SPOCK1: variants seen among roughly 807,000 people sequenced by gnomAD.
SPOCK1 encodes the protein testican-1.
In SPOCK1, 23 loss-of-function variants were observed where a neutral mutation model predicts 55.3. The ratio of observed to expected loss-of-function variants is 0.42; its 90% CI spans 0.30 to 0.59. SPOCK1 has a LOEUF of 0.59. SPOCK1 is among the 20% of genes least tolerant of loss of function. The probability of loss-of-function intolerance (pLI) is 0.22; values close to 1 mark genes in which losing one functional copy is unlikely to be tolerated. For synonymous variants in SPOCK1, 226 were observed against 221.0 expected (o/e 1.02, Z -0.20); for missense variants, 499 against 552.5 (o/e 0.90, Z 0.97).
intron 2 of SPOCK1, among the ~76,000 whole-genome samples, chr5:137,474,829 G>A (rs908165548): frequency 3.9e-5 from 6 of 152,312 alleles, no homozygotes; most frequent in Middle Eastern, 3.4e-3. Flanking sequence ...GGAGAGAGAT[G>A]AAGCTCTTCT....
intron 9 of SPOCK1, among the ~76,000 whole-genome samples, chr5:136,983,151 C>T (rs1181154961): frequency 6.6e-6 from 1 of 152,176 alleles, no homozygotes; most frequent in Non-Finnish European, 1.5e-5. Context: ...CTGTAGCTTT[C>T]TATGCCCTAA....
chr5:137,314,343 A>T (rs1222196108), intron 2 of SPOCK1, among the ~76,000 whole-genome samples: 1 of 152,034 alleles, frequency 6.6e-6, no homozygotes, highest in Non-Finnish European at 1.5e-5. Flanking sequence ...AGCCTCACAA[A>T]CGCTACCATC....
chr5:137,410,867 G>T (rs1241126423), intron 2 of SPOCK1, among the ~76,000 whole-genome samples: 1 of 152,280 alleles, frequency 6.6e-6, no homozygotes, highest in African/African-American at 2.4e-5. Context: ...GAGGGAGGAG[G>T]GGATGCAAGC....
intron 2 of SPOCK1, among the ~76,000 whole-genome samples, chr5:137,443,135 G>A (rs1301545028): frequency 6.6e-6 from 1 of 152,066 alleles, no homozygotes; most frequent in Non-Finnish European, 1.5e-5. Flanking sequence ...CACTTTGGCT[G>A]GACAGCTAAA....
intron 2 of SPOCK1, among the ~76,000 whole-genome samples, chr5:137,404,573 T>TA (rs1752054797): frequency 1.0e-5 from 1 of 96,540 alleles, no homozygotes; most frequent in African/African-American, 3.6e-5. Context: ...CACACCCAGC[T>TA]AATTTTTTTT....
intron 5 of SPOCK1, among the ~76,000 whole-genome samples, chr5:137,069,824 T>C (rs1336404105): frequency 6.6e-6 from 1 of 152,228 alleles, no homozygotes; most frequent in Non-Finnish European, 1.5e-5. Flanking sequence ...AATATATTTT[T>C]ATGTGTCCAT....
At chr5:137,445,372 C>A (rs1753101706) in intron 2 of SPOCK1, among the ~76,000 whole-genome samples, 1 of 152,164 alleles carries the variant, frequency 6.6e-6, no homozygotes, top group Non-Finnish European at 1.5e-5. Flanking sequence ...TTTCCTTCAA[C>A]CCTATGAATG....
chr5:137,225,449 A>G (rs1010163614), intron 3 of SPOCK1, among the ~76,000 whole-genome samples: 3 of 152,230 alleles, frequency 2.0e-5, no homozygotes, highest in Non-Finnish European at 2.9e-5. Context: ...GGTACTAACG[A>G]GTATTAAAGA....
rs1387552301 is a variant in SPOCK1 at position 136,979,332 on chromosome 5, C to T, written c.1129G>A (p.Glu377Lys). 1 of 1,613,982 alleles carries T rather than the reference C, an allele frequency of 6.2e-7. No individual in the cohort carries two copies. Among genetic ancestry groups the T allele is most frequent in the Non-Finnish European group, 8.5e-7 (1 of 1,179,914 alleles). ...GGCTCATGCAGGAGGCCTTACTCAC[C>T]ACAGCTCACAGCACCCTGTTTCCTG... ...GSRKQGAVSC[E>K]EEQETSGDFG... The change falls in exon 10 of 11, where the codon GAA becomes AAA. Residue 377 changes from glutamate to lysine, a missense_variant and splice_region_variant. Glu to Lys is a moderately conservative substitution (Grantham distance 56). This residue lies in a region of SPOCK1 where 83 missense variants were observed against 87.5 expected (regional missense o/e 0.95). Coordinates refer to ENST00000394945, the MANE Select transcript of SPOCK1 (RefSeq NM_004598.4).
intron 3 of SPOCK1, among the ~76,000 whole-genome samples, chr5:137,261,808 C>A (rs1756746490): frequency 6.6e-6 from 1 of 152,328 alleles, no homozygotes. Flanking sequence ...CTAAATCTCT[C>A]CAGCCATTAG....
chr5:137,060,836 A>C (rs1017758102), intron 6 of SPOCK1, among the ~76,000 whole-genome samples: 4 of 152,200 alleles, frequency 2.6e-5, no homozygotes, highest in African/African-American at 9.6e-5. Flanking sequence ...GAGGACCAGG[A>C]AAACCTGTGG....
intron 3 of SPOCK1, among the ~76,000 whole-genome samples, chr5:137,259,010 C>G (rs191240503): frequency 2.6e-3 from 394 of 152,266 alleles, no homozygotes; most frequent in Middle Eastern, 0.014. Flanking sequence ...CAGTTCCTGA[C>G]AGAACTGACT....
intron 7 of SPOCK1, 105 bp downstream of exon 7, chr5:136,992,379 A>C: frequency 1.1e-6 from 1 of 876,626 alleles, no homozygotes; most frequent in Non-Finnish European, 1.7e-6. Context: ...TTAAAGTCAA[A>C]GTATATATTT....
rs373002004 is a variant in SPOCK1 at position 137,204,858 on chromosome 5, G to A, written c.232+62152C>T. On this transcript the variant is annotated intron_variant, in intron 3 of 10. Transcript: ENST00000394945. ...CACTGTATATACCCTAGAAGCACTC[G>A]CCTCTGCTTCTCGAGCATGCTTAGC... Among the ~76,000 whole-genome samples, 18 of 152,120 alleles carry A rather than the reference G, an allele frequency of 1.2e-4. No individual in the cohort carries two copies. In the South Asian group the frequency reaches 2.3e-3, roughly 19 times the overall value.
In SPOCK1 at chr5:137,453,453, A is replaced by G. The variant is rs575689573; in HGVS notation, c.186+44920T>C. On this transcript the variant is annotated intron_variant, in intron 2 of 10. Transcript: ENST00000394945. ...GTAGTAAGAAATTCTTCCAATGTCT[A>G]AGACCAAGAAAACTTGGGCCCAAAA... Among the ~76,000 whole-genome samples the G allele has an allele frequency of 3.3e-5, 5 of 152,332 alleles. No individual in the cohort carries two copies. In the South Asian group the frequency reaches 1.0e-3, roughly 32 times the overall value.
intron 2 of SPOCK1, among the ~76,000 whole-genome samples, chr5:137,450,251 T>C (rs915565438): frequency 2.8e-4 from 42 of 152,310 alleles, no homozygotes; most frequent in African/African-American, 9.9e-4. Context: ...TCCACACCTG[T>C]TCTAGGGAAT....
intron 4 of SPOCK1, among the ~76,000 whole-genome samples, chr5:137,126,214 T>C (rs1049704494): frequency 6.6e-6 from 1 of 152,186 alleles, no homozygotes; most frequent in Non-Finnish European, 1.5e-5. Context: ...CTCCTCTTTC[T>C]CTCTTGCTTT....
intron 2 of SPOCK1, among the ~76,000 whole-genome samples, chr5:137,302,294 G>A (rs1168799481): frequency 2.6e-5 from 4 of 152,082 alleles, no homozygotes; most frequent in Non-Finnish European, 5.9e-5. Context: ...TATAGGCTGG[G>A]CGCGGTGGCT....
At chr5:137,364,259 C>G (rs2127167610) in intron 2 of SPOCK1, among the ~76,000 whole-genome samples, 1 of 152,270 alleles carries the variant, frequency 6.6e-6, no homozygotes, top group South Asian at 2.1e-4. Context: ...CATCTGCCCA[C>G]CTGTGGCTGC....
Sources: gnomAD v4.1 joint callset for allele counts (sites outside exome capture counted in the v4.1 genomes callset) on GRCh38, gnomAD v4.1.1 for gene constraint, gnomAD v4.1.1 regional missense constraint, MANE v1.5 for transcripts, NCBI Gene and HGNC (gene_info 2026-07-23, HGNC 2026-07-21) for gene names.